Variants in PDE4D observed in about 807,000 individuals in gnomAD.
PDE4D encodes the protein phosphodiesterase 4D.
PDE4D carries 24 observed loss-of-function variants against 87.4 expected under a neutral mutation model. That is an observed-to-expected ratio of 0.27 (90% CI 0.20 to 0.39). PDE4D has a LOEUF of 0.39. Among genes scored for constraint, PDE4D ranks in the 10% least tolerant of loss-of-function variants. PDE4D has a pLI of 1.00. For synonymous variants in PDE4D, 384 were observed against 383.2 expected (o/e 1.00, Z -0.02); for missense variants, 714 against 1,041.0 (o/e 0.69, Z 4.32).
intron 3 of PDE4D, among the ~76,000 whole-genome samples, chr5:59,903,981 C>T (rs1172302435): frequency 6.6e-6 from 1 of 152,132 alleles, no homozygotes; most frequent in Non-Finnish European, 1.5e-5. Context: ...TACAGCTTTG[C>T]TGAGCCTTAG....
At position 59,399,764 on chromosome 5, in the gene PDE4D, G is replaced by A. The variant is rs1790230402; in HGVS notation, c.456-183796C>T. On this transcript the variant is annotated intron_variant, in intron 1 of 14. Coordinates refer to ENST00000340635, the MANE Select transcript of PDE4D (RefSeq NM_001104631.2). Reference sequence around the variant, plus strand: ...AATTAAACTAAAGAGCTTCTGCACAGCAAAAGAAACTACCATCAGAGTGAA... The same window carrying A: ...AATTAAACTAAAGAGCTTCTGCACAACAAAAGAAACTACCATCAGAGTGAA... 1.8e-5 allele frequency among the ~76,000 whole-genome samples: 2 copies of A among 113,740 alleles called. 1 individual carries two copies. The highest frequency in any genetic ancestry group is 3.7e-5 in the Non-Finnish European group (2 of 53,904). The allele number at this position is 113,740 out of a possible 152,430, so 74.6% of individuals were successfully genotyped here.
At chr5:59,813,922 C>CT (rs201329297) in intron 1 of PDE4D, among the ~76,000 whole-genome samples, 2,995 of 152,234 alleles carry the variant, frequency 0.02, 33 homozygotes, top group Non-Finnish European at 0.031. Flanking sequence ...AAAATTACCT[C>CT]TGAAAGTCTG....
chr5:60,368,891 G>T (rs151164633), intron 1 of PDE4D, among the ~76,000 whole-genome samples: 1 of 152,058 alleles, frequency 6.6e-6, no homozygotes, highest in African/African-American at 2.4e-5. Flanking sequence ...TGGACAGCCC[G>T]CAGAACCATG....
intron 1 of PDE4D, among the ~76,000 whole-genome samples, chr5:60,513,271 CA>C (rs1338851595): frequency 1.3e-5 from 2 of 152,028 alleles, no homozygotes; most frequent in Middle Eastern, 3.2e-3. Context: ...GCTATGCAGG[CA>C]CTACCCCAGA....
chr5:58,996,409 G>C (rs935718366), intron 6 of PDE4D, among the ~76,000 whole-genome samples: 1 of 152,138 alleles, frequency 6.6e-6, no homozygotes. Context: ...ATATCTCTTT[G>C]ACCTAAAATT....
intron 1 of PDE4D, among the ~76,000 whole-genome samples, chr5:59,412,212 T>C (rs1221834672): frequency 1.3e-5 from 2 of 152,224 alleles, no homozygotes; most frequent in Non-Finnish European, 2.9e-5. Context: ...GCAGTCATCT[T>C]TTACATTAAA....
intron 1 of PDE4D, among the ~76,000 whole-genome samples, chr5:59,310,098 T>C (rs255648): frequency 0.48 from 72,881 of 151,982 alleles, 17,988 homozygotes; most frequent in African/African-American, 0.56. Flanking sequence ...GAGTCTGTAC[T>C]GAGTAGACCT....
rs910461626 is a variant in PDE4D, at chr5:59,402,791, T to G, written c.456-186823A>C. Among the ~76,000 whole-genome samples, 60 of 152,136 alleles carry G rather than the reference T, an allele frequency of 3.9e-4. 1 individual carries two copies. Among genetic ancestry groups the G allele is most frequent in the Non-Finnish European group, 2.6e-4 (18 of 68,030 alleles). ...GGCTCTCAAACTATTTTTTTTTAAA[T>G]TCCATATTTCTAACTGACTTTCTAT... On this transcript the variant is annotated intron_variant, in intron 1 of 14. Transcript: ENST00000340635.
chr5:60,471,209 A>G (rs1467701236), intron 1 of PDE4D, among the ~76,000 whole-genome samples: 1 of 152,180 alleles, frequency 6.6e-6, no homozygotes, highest in African/African-American at 2.4e-5. Flanking sequence ...TGGTGGAAAT[A>G]GCAAGAGAAC....
chr5:60,009,392 T>C (rs899667826), intron 2 of PDE4D, among the ~76,000 whole-genome samples: 1 of 152,058 alleles, frequency 6.6e-6, no homozygotes, highest in Non-Finnish European at 1.5e-5. Flanking sequence ...GATTGATTCA[T>C]TCATTCAATA....
chr5:60,382,266 T>C (rs115195356), intron 1 of PDE4D, among the ~76,000 whole-genome samples: 136 of 152,268 alleles, frequency 8.9e-4, no homozygotes, highest in African/African-American at 3.1e-3. Flanking sequence ...TGATGCTACT[T>C]CATGTATCTA....
At chr5:59,034,730 A>T (rs1174149443) in intron 6 of PDE4D, among the ~76,000 whole-genome samples, 1 of 152,214 alleles carries the variant, frequency 6.6e-6, no homozygotes, top group Non-Finnish European at 1.5e-5. Flanking sequence ...CACATTTGTA[A>T]AGCTGGCCTA....
intron 5 of PDE4D, among the ~76,000 whole-genome samples, chr5:59,109,911 A>G (rs1772311226): frequency 6.6e-6 from 1 of 152,180 alleles, no homozygotes; most frequent in Non-Finnish European, 1.5e-5. Flanking sequence ...GTTGGCAAGT[A>G]AATCAAAGAC....
chr5:60,145,546 A>T (rs1181251777), intron 2 of PDE4D, among the ~76,000 whole-genome samples: 1 of 152,118 alleles, frequency 6.6e-6, no homozygotes, highest in Non-Finnish European at 1.5e-5. Flanking sequence ...ACCCAAATCA[A>T]CCTTGTTTCA....
At chr5:59,971,437 T>C (rs1387651491) in intron 3 of PDE4D, among the ~76,000 whole-genome samples, 1 of 151,454 alleles carries the variant, frequency 6.6e-6, no homozygotes, top group Non-Finnish European at 1.5e-5. Context: ...AGAGAGAAAT[T>C]AAAACAAAAT....
intron 1 of PDE4D, among the ~76,000 whole-genome samples, chr5:60,495,180 A>G (rs1749746536): frequency 6.6e-6 from 1 of 152,252 alleles, no homozygotes; most frequent in South Asian, 2.1e-4. Context: ...CCAGCAACTA[A>G]AAGAGACATG....
chr5:60,149,392 G>A (rs1361519606), intron 2 of PDE4D, among the ~76,000 whole-genome samples: 1 of 152,060 alleles, frequency 6.6e-6, no homozygotes, highest in African/African-American at 2.4e-5. Context: ...CATGATAACA[G>A]CATTAATCTA....
At chr5:59,120,629 C>A (rs1003289517) in intron 5 of PDE4D, among the ~76,000 whole-genome samples, 1 of 151,708 alleles carries the variant, frequency 6.6e-6, no homozygotes, top group Non-Finnish European at 1.5e-5. Flanking sequence ...AGATTCAATG[C>A]AATCCCTATC....
chr5:60,463,030 C>G (rs1747080389), intron 1 of PDE4D, among the ~76,000 whole-genome samples: 1 of 152,110 alleles, frequency 6.6e-6, no homozygotes, highest in Non-Finnish European at 1.5e-5. Context: ...ACCCGTGAAA[C>G]AAGAGAACCA....
Sources: gnomAD v4.1 joint callset for allele counts (sites outside exome capture counted in the v4.1 genomes callset) on GRCh38, gnomAD v4.1.1 for gene constraint, MANE v1.5 for transcripts, NCBI Gene and HGNC (gene_info 2026-07-23, HGNC 2026-07-21) for gene names.